The following RANBP2 variants were observed in gnomAD, a reference collection of about 807,000 sequenced individuals.
RANBP2 encodes the protein E3 SUMO-protein ligase RanBP2.
A neutral mutation model predicts 303.6 loss-of-function variants in RANBP2; 57 were observed. The observed-to-expected ratio is 0.19, with a 90% confidence interval of 0.15 to 0.23. RANBP2 has a LOEUF of 0.23. RANBP2 is among the 10% of genes least tolerant of loss of function. The probability of loss-of-function intolerance (pLI) is 1.00; values close to 1 mark genes in which losing one functional copy is unlikely to be tolerated. For missense variants in RANBP2, 3,138 were observed against 3,780.8 expected (o/e 0.83, Z 4.46); for synonymous variants, 1,167 against 1,301.5 (o/e 0.90, Z 2.23).
chr2:109,267,645 C>T, the RANBP2 span, among the ~76,000 whole-genome samples: 1 of 152,202 alleles, frequency 6.6e-6, no homozygotes, highest in African/African-American at 2.4e-5. Flanking sequence ...GAGCCACTCC[C>T]AGCTGCCACC....
intron 4 of RANBP2, 33 bp from the exon 5 acceptor site, chr2:108,735,499 C>G (rs1167790060): frequency 6.9e-6 from 11 of 1,596,852 alleles, no homozygotes; most frequent in African/African-American, 1.3e-5. Flanking sequence ...ACAAGTGTTA[C>G]TCTAATAATT....
chr2:108,996,962 A>C, the RANBP2 span, among the ~76,000 whole-genome samples: 1 of 152,200 alleles, frequency 6.6e-6, no homozygotes, highest in Non-Finnish European at 1.5e-5. Flanking sequence ...ACACCACTTC[A>C]GTTGGCTAGC....
the RANBP2 span, among the ~76,000 whole-genome samples, chr2:109,221,532 C>T: frequency 2.0e-5 from 3 of 147,792 alleles, no homozygotes; most frequent in African/African-American, 5.1e-5. Flanking sequence ...CGGTAAGCCG[C>T]GATCGCGCCA....
chr2:109,451,467 C>T, the RANBP2 span, among the ~76,000 whole-genome samples: 2 of 152,340 alleles, frequency 1.3e-5, no homozygotes, highest in African/African-American at 2.4e-5. Flanking sequence ...AGAATTCCCT[C>T]TCTCTAGTTT....
chr2:109,680,708 T>C, the RANBP2 span, among the ~76,000 whole-genome samples: 1 of 152,178 alleles, frequency 6.6e-6, no homozygotes, highest in Non-Finnish European at 1.5e-5. Flanking sequence ...GAATCTCACC[T>C]TTTTTCAGAC....
the RANBP2 span, among the ~76,000 whole-genome samples, chr2:108,968,890 CAT>C: frequency 6.6e-6 from 1 of 152,214 alleles, no homozygotes; most frequent in Admixed American, 6.5e-5. Flanking sequence ...GGTAGGGTTA[CAT>C]GTTAGCTTGC....
intron 14 of RANBP2, 81 bp downstream of exon 14, chr2:108,753,644 C>T (rs1676082035): frequency 1.0e-5 from 16 of 1,592,086 alleles, no homozygotes; most frequent in South Asian, 2.3e-5. Flanking sequence ...CTCTGTTGGT[C>T]GGGCTAGAGT....
the RANBP2 span, chr2:108,907,762 C>T: frequency 4.9e-6 from 7 of 1,416,496 alleles, no homozygotes; most frequent in African/African-American, 2.8e-5. Context: ...AGAAACACCC[C>T]GTCTTGCAGG....
chr2:109,145,793 C>T, the RANBP2 span, among the ~76,000 whole-genome samples: 10 of 152,186 alleles, frequency 6.6e-5, no homozygotes, highest in Admixed American at 1.3e-4. Flanking sequence ...TGTTGGTTGG[C>T]ATGGGGTCAG....
At chr2:109,061,804 G>C in the RANBP2 span, among the ~76,000 whole-genome samples, 37 of 152,146 alleles carry the variant, frequency 2.4e-4, no homozygotes, top group Non-Finnish European at 5.0e-4. Flanking sequence ...TTGCATTTAA[G>C]GTCTGGTGGG....
the RANBP2 span, among the ~76,000 whole-genome samples, chr2:109,229,867 C>G: frequency 6.7e-6 from 1 of 148,782 alleles, no homozygotes; most frequent in Non-Finnish European, 1.5e-5. Flanking sequence ...CTCTGTTGCC[C>G]AGGCTGGAGT....
chr2:108,885,474 G>A, the RANBP2 span: 1 of 152,200 alleles, frequency 6.6e-6, no homozygotes, highest in Non-Finnish European at 1.5e-5. Flanking sequence ...AAATTGAAAA[G>A]TAAGTACTGT....
At chr2:109,576,619 A>T in the RANBP2 span, among the ~76,000 whole-genome samples, 85 of 152,254 alleles carry the variant, frequency 5.6e-4, 1 homozygote, top group East Asian at 0.014. Flanking sequence ...AAAAATTCCA[A>T]AGAAGCTTTT....
chr2:109,087,347 T>C, the RANBP2 span, among the ~76,000 whole-genome samples: 17 of 152,158 alleles, frequency 1.1e-4, no homozygotes, highest in Non-Finnish European at 2.1e-4. Flanking sequence ...AAAATGCTGC[T>C]GCGGGGGTTC....
At chr2:108,923,362 A>T in the RANBP2 span, 1 of 1,613,768 alleles carries the variant, frequency 6.2e-7, no homozygotes, top group East Asian at 2.2e-5. Context: ...GGACAAAGAC[A>T]CTCACATTCC....
chr2:109,128,978 C>G, the RANBP2 span: 1 of 424,140 alleles, frequency 2.4e-6, no homozygotes, highest in East Asian at 9.4e-5. Flanking sequence ...GCGCGCACCC[C>G]CGCGCACGTG....
the RANBP2 span, among the ~76,000 whole-genome samples, chr2:109,606,624 T>C: frequency 1.0e-5 from 1 of 100,224 alleles, no homozygotes; most frequent in South Asian, 4.7e-4. Flanking sequence ...AAATAATAGC[T>C]AAAAAGTTCC....
the RANBP2 span, among the ~76,000 whole-genome samples, chr2:109,186,993 G>A: frequency 3.5e-4 from 54 of 152,174 alleles, no homozygotes; most frequent in Non-Finnish European, 6.5e-4. Flanking sequence ...AAGTTTGCTC[G>A]TCTCCCAGAG....
At chr2:109,242,831 G>A in the RANBP2 span, among the ~76,000 whole-genome samples, 3 of 152,130 alleles carry the variant, frequency 2.0e-5, no homozygotes, top group Non-Finnish European at 4.4e-5. Flanking sequence ...GGCCCAAATA[G>A]AGCAATAGGG....
Sources: gnomAD v4.1 joint callset for allele counts (sites outside exome capture counted in the v4.1 genomes callset) on GRCh38, gnomAD v4.1.1 for gene constraint, MANE v1.5 for transcripts, NCBI Gene and HGNC (gene_info 2026-07-23, HGNC 2026-07-21) for gene names.